Variants in AMELX observed in about 807,000 individuals in gnomAD.
AMELX encodes amelogenin, X isoform.
A neutral mutation model predicts 15.8 loss-of-function variants in AMELX; 9 were observed. The observed-to-expected ratio is 0.57, with a 90% CI of 0.34 to 0.99. The LOEUF (loss-of-function observed/expected upper bound fraction) is 0.99. Ranked by LOEUF, AMELX falls within the 50% of genes least tolerant of loss-of-function variation. The pLI, the probability that AMELX is intolerant of heterozygous loss-of-function variation, is 0.02. For missense variants in AMELX, 107 were observed against 156.2 expected, an observed-to-expected ratio of 0.68 and a Z score of 1.68; for synonymous variants, 61 against 58.8, an observed-to-expected ratio of 1.04 and a Z score of -0.17.
intron 3 of AMELX, among the ~76,000 whole-genome samples, chrX:11,297,530 G>C (rs1312990394): frequency 3.6e-5 from 4 of 112,164 alleles, no homozygotes; most frequent in African/African-American, 1.3e-4. Flanking sequence ...ATTATTTTTT[G>C]TATCGATTAA....
At chrX:11,300,812 A>T (rs2048164978), downstream of AMELX, 1 of 401,788 alleles carries the variant, frequency 2.5e-6, no homozygotes, top group South Asian at 5.7e-5. Context: ...ATTTGAGATG[A>T]TATATTATGA....
intron 5 of AMELX, 53 bp from the exon 6 acceptor site, chrX:11,300,554 T>A: frequency 9.5e-7 from 1 of 1,047,355 alleles, no homozygotes; most frequent in Non-Finnish European, 1.3e-6. Flanking sequence ...TAAATGGTAC[T>A]CACTAGGAAC....
At chrX:11,307,876 C>T in the AMELX span, among the ~76,000 whole-genome samples, 5 of 111,924 alleles carry the variant, frequency 4.5e-5, no homozygotes, top group African/African-American at 1.6e-4. Flanking sequence ...TTGATAGTTG[C>T]TATTACTGTA....
Position 11,298,935 on chromosome X carries a change from G to T in AMELX, c.532G>T (p.Ala178Ser). The change falls in exon 5 of 6, where the codon GCT (alanine) becomes TCT (serine). Residue 178 changes from alanine (A) to serine (S), a missense_variant. Physicochemically the swap from Ala to Ser is moderately conservative, Grantham distance 99. Coordinates refer to ENST00000380714, the MANE Select transcript of AMELX (RefSeq NM_001142.2). ...CATGCTTCCTGATCTGACTCTGGAA[G>T]CTTGGCCATCAACAGACAAGACCAA... is the stretch of plus-strand genomic sequence containing the variant. Reference protein sequence around the residue: ...PPMLPDLTLEAWPSTDKTKRE... With the variant: ...PPMLPDLTLESWPSTDKTKRE... 1 of 1,211,137 alleles carries T rather than the reference G, an allele frequency of 8.3e-7. No individual in the cohort carries two copies.
At chrX:11,297,344 C>T (rs754805464) in intron 3 of AMELX, among the ~76,000 whole-genome samples, 1 of 111,783 alleles carries the variant, frequency 8.9e-6, no homozygotes, top group South Asian at 3.7e-4. Context: ...TTCTCCTCAA[C>T]CTCTTACTAA....
intron 2 of AMELX, among the ~76,000 whole-genome samples, chrX:11,295,875 A>T (rs2048076722): frequency 8.9e-6 from 1 of 111,850 alleles, no homozygotes; most frequent in Non-Finnish European, 1.9e-5. Flanking sequence ...AAATGAGGCC[A>T]ATGTCTGAGG....
At chrX:11,306,362 G>T in the AMELX span, among the ~76,000 whole-genome samples, 2 of 112,451 alleles carry the variant, frequency 1.8e-5, no homozygotes, top group Non-Finnish European at 3.8e-5. Flanking sequence ...AGGCAGATTT[G>T]GAAAAATACC....
In AMELX at chrX:11,298,573, T is replaced by C. The variant is rs761996476; in HGVS notation, c.170T>C (p.Met57Thr). 2.5e-6 allele frequency: 3 copies of C among 1,211,410 alleles called. No homozygotes were observed. The highest frequency in any genetic ancestry group is 1.8e-5 in the South Asian group (1 of 56,971). The change falls in exon 5 of 6, where the codon ATG (methionine) becomes ACG (threonine). Residue 57 changes from methionine (M) to threonine (T), a missense_variant. Physicochemically the swap from Met to Thr is moderately conservative, Grantham distance 81 (BLOSUM62 -1). Transcript: ENST00000380714. Reference protein sequence around the residue: ...PPYPSYGYEPMGGWLHHQIIP... With the variant: ...PPYPSYGYEPTGGWLHHQIIP... ...TACCCTTCCTATGGTTACGAGCCCATGGGTGGATGGCTGCACCACCAAATC... is the reference window on the plus strand; with the variant it reads ...TACCCTTCCTATGGTTACGAGCCCACGGGTGGATGGCTGCACCACCAAATC...
intron 1 of AMELX, among the ~76,000 whole-genome samples, chrX:11,294,541 G>C (rs771385765): frequency 7.3e-4 from 82 of 111,987 alleles, no homozygotes; most frequent in African/African-American, 2.5e-3. Flanking sequence ...TCATGTCCCT[G>C]TAACTTGTTT....
chrX:11,299,550 G>T (rs1178221941), intron 5 of AMELX, among the ~76,000 whole-genome samples: 1 of 112,197 alleles, frequency 8.9e-6, no homozygotes, highest in African/African-American at 3.2e-5. Context: ...TTCTATAGAT[G>T]ATTAAGCTTT....
At chrX:11,298,139 G>T in intron 3 of AMELX, 97 bp from the exon 4 acceptor site, 1 of 1,210,011 alleles carries the variant, frequency 8.3e-7, no homozygotes, top group South Asian at 1.8e-5. Context: ...TGACAGGACT[G>T]CATTAGTGAG....
chrX:11,294,764 A>T lies in AMELX; in HGVS notation c.-12-13A>T, dbSNP rs1367524827. On this transcript the variant is annotated splice_polypyrimidine_tract_variant and intron_variant, in intron 1 of 5. Transcript: ENST00000380714. The stretch of plus-strand genomic sequence containing the variant: ...GAAGAGATAAGAAAAGTGGATGTTG[A>T]CTTACATTTCAGAACCATCAAGAAA... 8.3e-7 allele frequency: 1 copy of T among 1,209,138 alleles called. No homozygotes were observed. Among genetic ancestry groups the T allele is most frequent in the African/African-American group, 1.7e-5 (1 of 57,777 alleles).
At position 11,298,125 on chromosome X, in the gene AMELX, A is replaced by G. The variant is rs746714110; in HGVS notation, c.103-111A>G. 15 of 1,210,190 alleles carry G rather than the reference A, an allele frequency of 1.2e-5. No homozygotes were observed. The highest frequency in any genetic ancestry group is 1.2e-4 in the African/African-American group (7 of 57,316). ...TAGAACTCACATTCTCAGGCTATCA[A>G]TGTTGACAGGACTGCATTAGTGAGT... On this transcript the variant is annotated intron_variant, in intron 3 of 5. Transcript: ENST00000380714.
chrX:11,298,212 G>A (rs1442642918), intron 3 of AMELX, 24 bp from the exon 4 acceptor site: 1 of 1,210,693 alleles, frequency 8.3e-7, no homozygotes, highest in Non-Finnish European at 1.1e-6. Context: ...AATCAAATGG[G>A]TTCTAATATC....
the AMELX span, among the ~76,000 whole-genome samples, chrX:11,309,563 TAAAAGTTA>T: frequency 1.5e-4 from 17 of 110,281 alleles, no homozygotes; most frequent in African/African-American, 4.6e-4. Flanking sequence ...AAGAAAAGTG[TAAAAGTTA>T]AAAAGTTAAA....
the AMELX span, among the ~76,000 whole-genome samples, chrX:11,307,785 C>G: frequency 9.0e-6 from 1 of 111,144 alleles, no homozygotes; most frequent in African/African-American, 3.3e-5. Flanking sequence ...CTTTTTTTTC[C>G]CCGTTCTGGT....
At chrX:11,308,242 T>C in the AMELX span, among the ~76,000 whole-genome samples, 7 of 112,316 alleles carry the variant, frequency 6.2e-5, no homozygotes, top group Non-Finnish European at 1.9e-5. Flanking sequence ...TGTAGCTATA[T>C]GAAACCAGCA....
At chrX:11,308,824 C>A in the AMELX span, among the ~76,000 whole-genome samples, 2 of 112,283 alleles carry the variant, frequency 1.8e-5, no homozygotes, top group South Asian at 3.7e-4. Flanking sequence ...CATTGATTTT[C>A]AAATACTGAG....
rs1274662505 is a variant in AMELX at position 11,298,259 on chromosome X, C to T, written c.126C>T (p.Tyr42=). The change falls in exon 4 of 6, where the codon TAC becomes TAT. Residue 42 remains tyrosine, a synonymous_variant. Transcript: ENST00000380714. ...SYEVLTPLKW[Y]QSIRPPYPSY... is the part of the protein sequence containing the mutation. ...AGGTGCTTACCCCTTTGAAGTGGTACCAGAGCATAAGGCCACCGGTATGTA... is the reference window on the plus strand; with the variant it reads ...AGGTGCTTACCCCTTTGAAGTGGTATCAGAGCATAAGGCCACCGGTATGTA... 14 of 1,209,207 alleles carry T rather than the reference C, an allele frequency of 1.2e-5. No homozygotes were observed. Among genetic ancestry groups the T allele is most frequent in the African/African-American group, 1.8e-5 (1 of 57,031 alleles).
Sources: allele counts gnomAD v4.1 joint callset (sites outside exome capture counted in the v4.1 genomes callset), GRCh38; gene constraint gnomAD v4.1.1; transcripts MANE v1.5; gene names NCBI Gene and HGNC (gene_info 2026-07-23, HGNC 2026-07-21).